Variants in PDE4DIP observed in about 807,000 individuals in gnomAD.
PDE4DIP encodes the protein myomegalin.
In PDE4DIP, 59 loss-of-function variants were observed where a neutral mutation model predicts 221.4. The observed-to-expected ratio is 0.27, with a 90% CI of 0.22 to 0.33. The LOEUF (loss-of-function observed/expected upper bound fraction) is 0.33. Among genes scored for constraint, PDE4DIP ranks in the 10% least tolerant of loss-of-function variants. PDE4DIP has a pLI of 1.00. For missense variants in PDE4DIP, 1,036 were observed against 2,154.2 expected (o/e 0.48, Z 10.28); for synonymous variants, 404 against 815.9 (o/e 0.50, Z 8.60).
chr1:148,971,545 A>G (rs1324236891), intron 14 of PDE4DIP, among the ~76,000 whole-genome samples: 6 of 152,334 alleles, frequency 3.9e-5, no homozygotes, highest in Non-Finnish European at 7.3e-5. Context: ...GATTGCCACA[A>G]ATTAACACAT....
exon 19 of PDE4DIP, chr1:148,978,366 C>T: frequency 1.9e-6 from 3 of 1,611,872 alleles, no homozygotes; most frequent in Non-Finnish European, 2.5e-6. Context: ...GAAAAAGTTG[C>T]TTCAGTAGAA....
At chr1:149,022,932 G>T (rs1388289821) in intron 37 of PDE4DIP, among the ~76,000 whole-genome samples, 16 of 152,268 alleles carry the variant, frequency 1.1e-4, no homozygotes, top group African/African-American at 3.8e-4. Context: ...GAAGATGAAA[G>T]GGTATAGATA....
intron 1 of PDE4DIP, among the ~76,000 whole-genome samples, chr1:148,822,440 A>ACCCTATT (rs1334652252): frequency 1.7e-4 from 24 of 143,912 alleles, no homozygotes; most frequent in African/African-American, 6.1e-4. Flanking sequence ...AGGAACGGGA[A>ACCCTATT]CCCTATTGTG....
intron 1 of PDE4DIP, among the ~76,000 whole-genome samples, chr1:148,846,484 A>C (rs1442805553): frequency 5.3e-5 from 3 of 56,780 alleles, no homozygotes; most frequent in Non-Finnish European, 9.4e-5. Context: ...AGACCAGGCG[A>C]GGTGGCTCAC....
chr1:148,934,082 G>A (rs587610023), intron 4 of PDE4DIP, among the ~76,000 whole-genome samples: 1 of 146,826 alleles, frequency 6.8e-6, no homozygotes, highest in Non-Finnish European at 1.5e-5. Context: ...CAAGTCTCCA[G>A]AATTTTGCTC....
At chr1:148,979,902 T>C in intron 20 of PDE4DIP, 53 bp downstream of exon 23, 1 of 1,583,596 alleles carries the variant, frequency 6.3e-7, no homozygotes, top group Non-Finnish European at 8.6e-7. Context: ...TTTATTTCTT[T>C]TACTATTGTA....
chr1:148,813,949 T>A (rs2762786), intron 1 of PDE4DIP, among the ~76,000 whole-genome samples: 1 of 21,470 alleles, frequency 4.7e-5, no homozygotes. Context: ...ATCTGCCTTT[T>A]TTTTTTCCTT....
In PDE4DIP at chr1:149,017,014, C is replaced by T. The variant is rs587672231; in HGVS notation, c.5518+464C>T. Among the ~76,000 whole-genome samples the T allele has an allele frequency of 2.7e-3, 416 of 151,986 alleles. 6 individuals carry two copies. Among genetic ancestry groups the T allele is most frequent in the Non-Finnish European group, 3.3e-3 (225 of 67,984 alleles). On this transcript the variant is annotated intron_variant, in intron 33 of 43. Coordinates refer to ENST00000369354, the Ensembl canonical transcript of PDE4DIP. ...GCTAAGCTCATAAATGCTGAGATGCCGCGCAGTTCCAACAGTAAGACAATC... is the reference window on the plus strand; with the variant it reads ...GCTAAGCTCATAAATGCTGAGATGCTGCGCAGTTCCAACAGTAAGACAATC...
intron 1 of PDE4DIP, among the ~76,000 whole-genome samples, chr1:148,918,521 T>C (rs60760953): frequency 2.4e-5 from 3 of 125,460 alleles, no homozygotes; most frequent in Non-Finnish European, 5.0e-5. Flanking sequence ...TACTAAGTAT[T>C]TTATGAAAAA....
At position 148,949,011 on chromosome 1, in the gene PDE4DIP, G is replaced by A. The variant is rs1218784820; in HGVS notation, c.636+11147G>A. Among the ~76,000 whole-genome samples the A allele has an allele frequency of 2.0e-5, 3 of 152,108 alleles. No homozygotes were observed. In the East Asian group the frequency reaches 5.8e-4, roughly 29 times the overall value. On this transcript the variant is annotated intron_variant, in intron 5 of 43. Transcript: ENST00000369354. ...CACAGGATGTACTCATTTGCATATGGCTTGTTTCACTTAAAATGTTTTCAA... is the reference window on the plus strand; with the variant it reads ...CACAGGATGTACTCATTTGCATATGACTTGTTTCACTTAAAATGTTTTCAA...
At chr1:148,961,629 A>G (rs1222809615) in intron 6 of PDE4DIP, among the ~76,000 whole-genome samples, 2 of 152,140 alleles carry the variant, frequency 1.3e-5, no homozygotes, top group Non-Finnish European at 2.9e-5. Context: ...AATTGAGACA[A>G]TTTAGTATTG....
intron 20 of PDE4DIP, among the ~76,000 whole-genome samples, chr1:148,980,365 C>A (rs2060881581): frequency 1.3e-5 from 2 of 152,234 alleles, no homozygotes; most frequent in East Asian, 3.9e-4. Context: ...GCACTCCATC[C>A]TGGGCAACAG....
At chr1:149,021,885 AT>A (rs1210312121) in intron 37 of PDE4DIP, 23 of 142,502 alleles carry the variant, frequency 1.6e-4, no homozygotes, top group East Asian at 9.4e-4. Flanking sequence ...ATATTTGAGA[AT>A]TTTGATATAT....
chr1:148,929,510 C>A (rs2047378009), intron 2 of PDE4DIP: 1 of 456,694 alleles, frequency 2.2e-6, no homozygotes, highest in Admixed American at 3.8e-5. Context: ...CTGCAAACTT[C>A]CTATCAGTCA....
intron 20 of PDE4DIP, 92 bp from the exon 24 acceptor site, chr1:148,981,178 C>G: frequency 8.5e-7 from 1 of 1,183,274 alleles, no homozygotes; most frequent in East Asian, 2.4e-5. Flanking sequence ...TCGTGTGGCT[C>G]AAAGTGGTAT....
intron 22 of PDE4DIP, among the ~76,000 whole-genome samples, chr1:148,995,007 T>C (rs2653711): frequency 0.021 from 3,143 of 149,476 alleles, no homozygotes; most frequent in East Asian, 0.093. Flanking sequence ...TATTCCATTG[T>C]GTATTATCTG....
At chr1:149,006,361 G>A (rs71664009) in intron 27 of PDE4DIP, 2 of 151,980 alleles carry the variant, frequency 1.3e-5, no homozygotes, top group Non-Finnish European at 2.9e-5. Flanking sequence ...GTTTGACTGG[G>A]CTCAGCTGGG....
At chr1:148,893,011 GACCACAGGTGTGCC>G in intron 1 of PDE4DIP, among the ~76,000 whole-genome samples, 1 of 113,854 alleles carries the variant, frequency 8.8e-6, no homozygotes, top group Non-Finnish European at 1.7e-5. Flanking sequence ...AAGTAGCTGG[GACCACAGGTGTGCC>G]ACCACACCTG....
At chr1:148,978,374 G>A in exon 19 of PDE4DIP, 1 of 1,611,110 alleles carries the variant, frequency 6.2e-7, no homozygotes, top group Admixed American at 1.7e-5. Context: ...TGCTTCAGTA[G>A]AATCCCAGGG....
Sources: gnomAD v4.1 joint callset for allele counts (sites outside exome capture counted in the v4.1 genomes callset) on GRCh38, gnomAD v4.1.1 for gene constraint, MANE v1.5 for transcripts, NCBI Gene and HGNC (gene_info 2026-07-23, HGNC 2026-07-21) for gene names.